CDC42BPA: variants seen among roughly 807,000 people sequenced by gnomAD.
The protein encoded by CDC42BPA is serine/threonine-protein kinase MRCK alpha.
Under a neutral mutation model 223.5 loss-of-function variants are expected in CDC42BPA, and 80 were observed. The ratio of observed to expected loss-of-function variants is 0.36; its 90% CI spans 0.30 to 0.43. CDC42BPA has a LOEUF of 0.43. Among genes scored for constraint, CDC42BPA ranks in the 20% least tolerant of loss-of-function variants. The pLI, the probability that CDC42BPA is intolerant of heterozygous loss-of-function variation, is 1.00. For missense variants in CDC42BPA, 1,743 were observed against 2,099.9 expected (o/e 0.83, Z 3.32); for synonymous variants, 694 against 718.6 (o/e 0.97, Z 0.55).
intron 3 of CDC42BPA, among the ~76,000 whole-genome samples, chr1:227,212,116 A>C (rs1674029476): frequency 6.6e-6 from 1 of 151,844 alleles, no homozygotes; most frequent in Non-Finnish European, 1.5e-5. Context: ...AAAAAAAAAA[A>C]CTAAAAGCAA....
chr1:227,205,030 A>T (rs1462748940), intron 3 of CDC42BPA, among the ~76,000 whole-genome samples: 1 of 152,090 alleles, frequency 6.6e-6, no homozygotes, highest in Non-Finnish European at 1.5e-5. Flanking sequence ...GGGCTGAGGC[A>T]GATGGATCAC....
At chr1:227,289,796 T>TA (rs1373818842) in intron 1 of CDC42BPA, among the ~76,000 whole-genome samples, 14 of 143,208 alleles carry the variant, frequency 9.8e-5, no homozygotes, top group Middle Eastern at 3.9e-3. Flanking sequence ...CTTCTTGCTT[T>TA]AAAAAGAAAT....
chr1:227,163,598 G>A (rs950431793), intron 5 of CDC42BPA, among the ~76,000 whole-genome samples: 3 of 151,790 alleles, frequency 2.0e-5, no homozygotes, highest in Non-Finnish European at 4.4e-5. Context: ...TGTAAAAATT[G>A]TGTGTGCACT....
At position 227,273,995 on chromosome 1, in the gene CDC42BPA, C is replaced by CAAAAAAAAAAAAAAAAAAAAAAAAAAAAA. The variant is rs10599884; in HGVS notation, c.179-19841_179-19840insTTTTTTTTTTTTTTTTTTTTTTTTTTTTT. On this transcript the variant is annotated intron_variant, in intron 1 of 36. Coordinates refer to ENST00000366766, the MANE Select transcript of CDC42BPA (RefSeq NM_001394014.1). ...ATAGTTTTCAAATATTCGTATACAC[C>CAAAAAAAAAAAAAAAAAAAAAAAAAAAAA]AAAAAAAAAAAAAAAAAAAAAAAAA... is the stretch of plus-strand genomic sequence containing the variant. Among the ~76,000 whole-genome samples the CAAAAAAAAAAAAAAAAAAAAAAAAAAAAA allele has an allele frequency of 1.8e-4, 10 of 57,004 alleles. 1 individual carries two copies. Among genetic ancestry groups the CAAAAAAAAAAAAAAAAAAAAAAAAAAAAA allele is most frequent in the African/African-American group, 6.4e-4 (10 of 15,672 alleles). The allele number at this position is 57,004 out of a possible 152,430, so 37.4% of individuals were successfully genotyped here.
chr1:227,062,994 T>C (rs532599558), intron 21 of CDC42BPA, among the ~76,000 whole-genome samples: 6 of 152,228 alleles, frequency 3.9e-5, no homozygotes, highest in South Asian at 4.1e-4. Flanking sequence ...TGAAGGACAA[T>C]ACATTTTCTA....
intron 1 of CDC42BPA, among the ~76,000 whole-genome samples, chr1:227,291,144 G>A (rs766702552): frequency 6.6e-6 from 1 of 152,124 alleles, no homozygotes. Context: ...CTTTCTAGGT[G>A]CTTCCATGAA....
Position 227,112,860 on chromosome 1 carries a change from G to A in CDC42BPA, c.1701C>T (p.Asp567=), listed in dbSNP as rs372655517. Residue 567 remains aspartate (D), a synonymous_variant, in exon 13 of 37, where the codon GAC becomes GAT. Coordinates refer to ENST00000366766, the MANE Select transcript of CDC42BPA (RefSeq NM_001394014.1). ...RLKNQSKELK[D]AHCQRKLAMQ... is the part of the protein sequence containing the mutation. ...TGGCCAGTTTCCTCTGACAGTGTGC[G>A]TCTTTCAGCTCTTTGGATTGGTTTT... The A allele has an allele frequency of 8.4e-5, 136 of 1,613,848 alleles. No homozygotes were observed. The highest frequency in any genetic ancestry group is 1.1e-4 in the Non-Finnish European group (124 of 1,179,920).
At chr1:227,092,235 G>A (rs539598403) in intron 15 of CDC42BPA, among the ~76,000 whole-genome samples, 2 of 152,124 alleles carry the variant, frequency 1.3e-5, no homozygotes, top group Non-Finnish European at 2.9e-5. Context: ...GTGCTTACTA[G>A]GTGCCAAGGA....
At chr1:227,106,236 T>C (rs1290892762) in intron 14 of CDC42BPA, among the ~76,000 whole-genome samples, 4 of 152,210 alleles carry the variant, frequency 2.6e-5, no homozygotes, top group Non-Finnish European at 4.4e-5. Context: ...CATTTATATA[T>C]ATCTTCTCTG....
chr1:227,307,054 C>T (rs910365782), intron 1 of CDC42BPA, among the ~76,000 whole-genome samples: 1 of 151,796 alleles, frequency 6.6e-6, no homozygotes. Flanking sequence ...AATTCTGTAC[C>T]AATGGTTAGA....
At chr1:227,146,148 T>C (rs73102948) in intron 7 of CDC42BPA, among the ~76,000 whole-genome samples, 4,586 of 152,220 alleles carry the variant, frequency 0.03, 204 homozygotes, top group African/African-American at 0.1. Flanking sequence ...CTGACACTAT[T>C]TAAAGTACGT....
intron 35 of CDC42BPA, among the ~76,000 whole-genome samples, chr1:227,001,105 G>A (rs972663850): frequency 4.6e-5 from 7 of 152,202 alleles, no homozygotes; most frequent in African/African-American, 9.7e-5. Context: ...GGTGAGCACC[G>A]CTGTTTCAAT....
chr1:227,290,203 T>G lies in CDC42BPA; in HGVS notation c.178+26802A>C, dbSNP rs374322063. On this transcript the variant is annotated intron_variant, in intron 1 of 36. Coordinates refer to ENST00000366766, the MANE Select transcript of CDC42BPA (RefSeq NM_001394014.1). Reference sequence around the variant, plus strand: ...GTACTATGCTCCAAGCACATGCCTTTGAGCTTCCTTTCCATCTAAAATGCC... The same window carrying G: ...GTACTATGCTCCAAGCACATGCCTTGGAGCTTCCTTTCCATCTAAAATGCC... Among the ~76,000 whole-genome samples the G allele has an allele frequency of 3.5e-4, 54 of 152,314 alleles. No individual in the cohort carries two copies. The South Asian group carries it at 4.1e-3, about 12-fold the overall frequency.
At chr1:227,054,882 T>C (rs902206036) in intron 21 of CDC42BPA, among the ~76,000 whole-genome samples, 12 of 152,134 alleles carry the variant, frequency 7.9e-5, no homozygotes, top group African/African-American at 2.9e-4. Flanking sequence ...TTTAGAACTA[T>C]ATACTCTTAA....
intron 5 of CDC42BPA, chr1:227,180,703 A>G (rs1241121647): frequency 6.6e-6 from 1 of 152,212 alleles, no homozygotes; most frequent in Non-Finnish European, 1.5e-5. Flanking sequence ...AAACACCACA[A>G]AAGTTCCTCA....
At chr1:227,099,936 AT>A (rs1357464305) in intron 15 of CDC42BPA, among the ~76,000 whole-genome samples, 1 of 152,026 alleles carries the variant, frequency 6.6e-6, no homozygotes, top group Admixed American at 6.6e-5. Flanking sequence ...TGGGACAGGA[AT>A]TTTTTTCATT....
At chr1:227,204,470 C>A (rs1047195831) in intron 3 of CDC42BPA, among the ~76,000 whole-genome samples, 1 of 152,056 alleles carries the variant, frequency 6.6e-6, no homozygotes, top group African/African-American at 2.4e-5. Context: ...TTTAATGTCT[C>A]CCCTCCCCAA....
intron 1 of CDC42BPA, among the ~76,000 whole-genome samples, chr1:227,259,435 A>T (rs1200976654): frequency 6.6e-6 from 1 of 151,080 alleles, no homozygotes; most frequent in Non-Finnish European, 1.5e-5. Context: ...AAAGGCAAAG[A>T]CAATGAGAAA....
At chr1:227,022,943 T>G (rs1345493088) in intron 32 of CDC42BPA, among the ~76,000 whole-genome samples, 2 of 152,204 alleles carry the variant, frequency 1.3e-5, no homozygotes, top group Non-Finnish European at 2.9e-5. Flanking sequence ...TGTTACAAAT[T>G]TTGGTTAGGT....
Sources: allele counts gnomAD v4.1 joint callset (sites outside exome capture counted in the v4.1 genomes callset), GRCh38; gene constraint gnomAD v4.1.1; transcripts MANE v1.5; gene names NCBI Gene and HGNC (gene_info 2026-07-23, HGNC 2026-07-21).